SORBS2: variants seen among roughly 807,000 people sequenced by gnomAD.
SORBS2 encodes sorbin and SH3 domain-containing protein 2.
SORBS2 carries 46 observed loss-of-function variants against 97.7 expected under a neutral mutation model. That is an observed-to-expected ratio of 0.47 (90% CI 0.37 to 0.60). The LOEUF (loss-of-function observed/expected upper bound fraction) is 0.60. SORBS2 is among the 20% of genes least tolerant of loss of function. The pLI is 0.00. For synonymous variants in SORBS2, 476 were observed against 473.4 expected (o/e 1.01, Z -0.07); for missense variants, 1,316 against 1,282.3 (o/e 1.03, Z -0.40).
upstream of SORBS2, among the ~76,000 whole-genome samples, chr4:185,659,281 G>A (rs1025916769): frequency 1.3e-5 from 2 of 152,166 alleles, no homozygotes; most frequent in Non-Finnish European, 2.9e-5. Context: ...TTTCAACACT[G>A]AATCAGTGCT....
chr4:185,698,374 G>A (rs1356785327), intron 2 of SORBS2, among the ~76,000 whole-genome samples: 1 of 152,176 alleles, frequency 6.6e-6, no homozygotes, highest in Non-Finnish European at 1.5e-5. Context: ...TACGTGGGAG[G>A]CTGAGGCAGG....
chr4:185,757,763 C>T (rs1351927268), intron 2 of SORBS2, among the ~76,000 whole-genome samples: 1 of 152,194 alleles, frequency 6.6e-6, no homozygotes, highest in African/African-American at 2.4e-5. Context: ...TACATTAGTT[C>T]AGCAATTTCG....
chr4:185,790,898 A>G (rs1431496654), intron 1 of SORBS2, among the ~76,000 whole-genome samples: 2 of 152,218 alleles, frequency 1.3e-5, no homozygotes, highest in African/African-American at 4.8e-5. Flanking sequence ...CATTGTGTCA[A>G]TGGAAAGGAA....
chr4:185,711,185 G>A (rs532652606), intron 2 of SORBS2, among the ~76,000 whole-genome samples: 98 of 151,752 alleles, frequency 6.5e-4, no homozygotes, highest in African/African-American at 2.2e-3. Flanking sequence ...TGTTGCCTGG[G>A]CTGGTCTTGA....
chr4:185,692,642 A>G (rs993823548), intron 2 of SORBS2, among the ~76,000 whole-genome samples: 17 of 152,232 alleles, frequency 1.1e-4, no homozygotes, highest in Admixed American at 2.6e-4. Context: ...ATATTAGCTA[A>G]ATATAATGGT....
At chr4:185,716,186 CCGTAACACCTG>C in intron 2 of SORBS2, among the ~76,000 whole-genome samples, 1 of 152,342 alleles carries the variant, frequency 6.6e-6, no homozygotes, top group Admixed American at 6.5e-5. Flanking sequence ...GCGTGGTCTC[CCGTAACACCTG>C]CTGCTGGGGC....
intron 1 of SORBS2, among the ~76,000 whole-genome samples, chr4:185,909,553 T>C (rs1413293716): frequency 6.9e-6 from 1 of 143,994 alleles, no homozygotes; most frequent in East Asian, 2.4e-4. Context: ...GATAAATAAA[T>C]AAAAGGGTAA....
intron 2 of SORBS2, among the ~76,000 whole-genome samples, chr4:185,695,679 A>G (rs969670366): frequency 6.6e-6 from 1 of 152,194 alleles, no homozygotes; most frequent in Non-Finnish European, 1.5e-5. Context: ...ATCTCTCTCT[A>G]TCTCTGACTG....
intron 12 of SORBS2, 30 bp from the exon 25 acceptor site, chr4:185,593,965 A>G (rs746849920): frequency 1.6e-5 from 23 of 1,443,966 alleles, no homozygotes; most frequent in South Asian, 1.3e-4. Flanking sequence ...AATGTAATCA[A>G]TGTTTAAACT....
At chr4:185,905,753 T>A (rs752585759) in intron 1 of SORBS2, among the ~76,000 whole-genome samples, 16 of 152,212 alleles carry the variant, frequency 1.1e-4, no homozygotes, top group Non-Finnish European at 1.8e-4. Flanking sequence ...CATGAGCTAC[T>A]AGGCCCGGCC....
At chr4:185,630,241 C>G (rs966265589) in intron 5 of SORBS2, among the ~76,000 whole-genome samples, 3 of 151,828 alleles carry the variant, frequency 2.0e-5, no homozygotes, top group Non-Finnish European at 4.4e-5. Context: ...GGCCATTTAA[C>G]AACATTGAAA....
At chr4:185,935,447 T>C (rs1259502639) in intron 1 of SORBS2, among the ~76,000 whole-genome samples, 1 of 152,206 alleles carries the variant, frequency 6.6e-6, no homozygotes, top group East Asian at 1.9e-4. Context: ...TGTTGAGATA[T>C]AAAGCAAGAT....
intron 1 of SORBS2, among the ~76,000 whole-genome samples, chr4:185,818,182 A>C (rs190732809): frequency 2.8e-4 from 43 of 152,182 alleles, no homozygotes; most frequent in Admixed American, 2.4e-3. Flanking sequence ...TTCAGTGCCT[A>C]TGTGTTTGTT....
chr4:185,838,841 G>C (rs146323939), intron 1 of SORBS2, among the ~76,000 whole-genome samples: 1 of 152,164 alleles, frequency 6.6e-6, no homozygotes, highest in Non-Finnish European at 1.5e-5. Context: ...GGAACCTCCT[G>C]TCTCTGATAG....
intron 2 of SORBS2, among the ~76,000 whole-genome samples, chr4:185,650,713 G>A (rs759977365): frequency 2.0e-5 from 3 of 152,152 alleles, no homozygotes; most frequent in Non-Finnish European, 4.4e-5. Flanking sequence ...TTACAGTTTT[G>A]CTTGGATTCA....
At chr4:185,836,059 G>T (rs566214776) in intron 1 of SORBS2, among the ~76,000 whole-genome samples, 23 of 152,006 alleles carry the variant, frequency 1.5e-4, no homozygotes, top group African/African-American at 5.3e-4. Flanking sequence ...TATTGCTGGG[G>T]AACCCAAATA....
intron 1 of SORBS2, among the ~76,000 whole-genome samples, chr4:185,854,623 A>G (rs139118327): frequency 6.6e-6 from 1 of 152,214 alleles, no homozygotes; most frequent in Non-Finnish European, 1.5e-5. Flanking sequence ...ATGCTTTAAT[A>G]GAATGAAATC....
intron 1 of SORBS2, among the ~76,000 whole-genome samples, chr4:185,653,869 AAAC>A (rs1456782251): frequency 1.3e-5 from 2 of 152,146 alleles, no homozygotes; most frequent in Non-Finnish European, 2.9e-5. Context: ...TATAGTAACT[AAAC>A]ACACCAGACG....
chr4:185,819,715 C>T (rs1261870951), intron 1 of SORBS2, among the ~76,000 whole-genome samples: 1 of 152,174 alleles, frequency 6.6e-6, no homozygotes. Context: ...CGGTGGGTTG[C>T]GGAAGCACCC....
Sources: gnomAD v4.1 joint callset for allele counts (sites outside exome capture counted in the v4.1 genomes callset) on GRCh38, gnomAD v4.1.1 for gene constraint, MANE v1.5 for transcripts, NCBI Gene and HGNC (gene_info 2026-07-23, HGNC 2026-07-21) for gene names.